The following ZNF362 variants were observed in gnomAD, a reference collection of about 807,000 sequenced individuals.
ZNF362 encodes rotund homolog.
ZNF362 carries 11 observed loss-of-function variants against 42.9 expected under a neutral mutation model. That is an observed-to-expected ratio of 0.26 (90% confidence interval 0.16 to 0.42). ZNF362 has a LOEUF of 0.42. Among genes scored for constraint, ZNF362 ranks in the 20% least tolerant of loss-of-function variants. The probability of loss-of-function intolerance (pLI) is 1.00; values close to 1 mark genes in which losing one functional copy is unlikely to be tolerated. For synonymous variants in ZNF362, 255 were observed against 257.3 expected (o/e 0.99, Z 0.09); for missense variants, 362 against 576.2 (o/e 0.63, Z 3.81).
chr1:33,250,680 A>T, the ZNF362 span, among the ~76,000 whole-genome samples: 1 of 152,010 alleles, frequency 6.6e-6, no homozygotes, highest in African/African-American at 2.4e-5. Context: ...GCAAACCACC[A>T]TGGCACACAT....
the ZNF362 span, among the ~76,000 whole-genome samples, chr1:33,194,292 T>C: frequency 6.6e-6 from 1 of 151,948 alleles, no homozygotes; most frequent in Non-Finnish European, 1.5e-5. Flanking sequence ...TCCCAGCAAT[T>C]TGGGAGGCTG....
At chr1:33,139,685 C>T in the ZNF362 span, among the ~76,000 whole-genome samples, 6 of 152,318 alleles carry the variant, frequency 3.9e-5, no homozygotes, top group African/African-American at 1.4e-4. Context: ...TTGTTTTCCT[C>T]CTGCAGAGGA....
rs979303993 is a variant in ZNF362, at chr1:33,294,822, G to T, written c.909-115G>T. 1.3e-5 allele frequency: 15 copies of T among 1,121,498 alleles called. No individual in the cohort carries two copies. Among genetic ancestry groups the T allele is most frequent in the African/African-American group, 3.1e-5 (2 of 64,358 alleles). The allele number at this position is 1,121,498 out of a possible 1,614,324, so 69.5% of individuals were successfully genotyped here. On this transcript the variant is annotated intron_variant, in intron 6 of 8. Transcript: ENST00000539719. The surrounding 1 kb of genome is among the most constrained non-coding windows in gnomAD (Gnocchi z 4.2). ...CCTGGGCTCACTCTTGGTCCTTGGGGAGCATGGGCAGGGTAGGGACCGAGA... is the reference window on the plus strand; with the variant it reads ...CCTGGGCTCACTCTTGGTCCTTGGGTAGCATGGGCAGGGTAGGGACCGAGA...
At chr1:33,257,063 C>T (rs531646104) in intron 1 of ZNF362, among the ~76,000 whole-genome samples, 25 of 152,302 alleles carry the variant, frequency 1.6e-4, no homozygotes, top group African/African-American at 5.8e-4. Context: ...GCAGCCGGCC[C>T]GGTGGAGCAG....
intron 6 of ZNF362, among the ~76,000 whole-genome samples, chr1:33,292,758 T>G (rs975662270): frequency 6.6e-6 from 1 of 152,192 alleles, no homozygotes; most frequent in Non-Finnish European, 1.5e-5. Context: ...CCTTAAGGAT[T>G]AGGTGATGGG....
At chr1:33,160,579 A>G in the ZNF362 span, among the ~76,000 whole-genome samples, 2 of 151,720 alleles carry the variant, frequency 1.3e-5, no homozygotes, top group South Asian at 4.2e-4. Flanking sequence ...TAATTTTTGT[A>G]TTTTTAGTAG....
At chr1:33,133,176 AG>A in the ZNF362 span, among the ~76,000 whole-genome samples, 9 of 152,200 alleles carry the variant, frequency 5.9e-5, no homozygotes, top group Non-Finnish European at 1.3e-4. Context: ...CCTTGACCCA[AG>A]GGCTTGGTGA....
At chr1:33,141,997 G>A in the ZNF362 span, 3 of 152,592 alleles carry the variant, frequency 2.0e-5, no homozygotes, top group South Asian at 4.1e-4. Context: ...CCTCCCTTTT[G>A]TGGTTCAGGA....
chr1:33,233,067 G>A, the ZNF362 span, among the ~76,000 whole-genome samples: 2 of 152,222 alleles, frequency 1.3e-5, no homozygotes, highest in African/African-American at 4.8e-5. Flanking sequence ...AGACTCAGTT[G>A]CCCATAGGAT....
the ZNF362 span, chr1:33,147,509 C>T: frequency 3.1e-6 from 5 of 1,613,396 alleles, no homozygotes; most frequent in South Asian, 1.1e-5. The surrounding 1 kb of genome is among the most constrained non-coding windows in gnomAD (Gnocchi z 8.1). Flanking sequence ...TGTGCCAGCC[C>T]GATCACCCAC....
upstream of ZNF362, among the ~76,000 whole-genome samples, chr1:33,254,373 G>A (rs1215528933): frequency 2.0e-5 from 3 of 152,062 alleles, no homozygotes; most frequent in African/African-American, 2.4e-5. Context: ...CTCCCGCCTC[G>A]GCCTCCCAAA....
the ZNF362 span, among the ~76,000 whole-genome samples, chr1:33,205,678 CT>C: frequency 6.6e-6 from 1 of 152,066 alleles, no homozygotes; most frequent in Non-Finnish European, 1.5e-5. Context: ...CTTTGGGAGG[CT>C]GAGGTGAGTG....
the ZNF362 span, among the ~76,000 whole-genome samples, chr1:33,170,100 C>T: frequency 6.6e-6 from 1 of 152,112 alleles, no homozygotes; most frequent in Non-Finnish European, 1.5e-5. Flanking sequence ...GAGGCTGAGA[C>T]CTTTGGATCA....
chr1:33,181,048 C>A, the ZNF362 span: 1 of 1,548,814 alleles, frequency 6.5e-7, no homozygotes, highest in South Asian at 1.1e-5. This position sits in a 1 kb window ranked among gnomAD's most constrained non-coding sequence, Gnocchi z 6.5. Flanking sequence ...AAGGCGTCGT[C>A]GATGCCGGTG....
At chr1:33,293,268 G>T (rs1646092613) in intron 6 of ZNF362, among the ~76,000 whole-genome samples, 1 of 152,194 alleles carries the variant, frequency 6.6e-6, no homozygotes, top group African/African-American at 2.4e-5. Context: ...TAGCAGAGGT[G>T]TGGGGAGACT....
the ZNF362 span, among the ~76,000 whole-genome samples, chr1:33,192,458 G>A: frequency 9.9e-5 from 15 of 152,170 alleles, no homozygotes; most frequent in Non-Finnish European, 1.0e-4. Flanking sequence ...GATACAGACC[G>A]CCACACAAAG....
the ZNF362 span, among the ~76,000 whole-genome samples, chr1:33,136,114 C>CCTTCCTTCCTTGCTTG: frequency 6.5e-5 from 1 of 15,416 alleles, no homozygotes; most frequent in Admixed American, 5.0e-4. Context: ...AGGGGCCAGC[C>CCTTCCTTCCTTGCTTG]CTTCCTTCCT....
chr1:33,138,199 C>T, the ZNF362 span, among the ~76,000 whole-genome samples: 2 of 152,064 alleles, frequency 1.3e-5, no homozygotes, highest in African/African-American at 4.8e-5. Flanking sequence ...GTTCCCTACT[C>T]AGAATGGGGG....
the ZNF362 span, among the ~76,000 whole-genome samples, chr1:33,215,079 A>T: frequency 6.6e-6 from 1 of 152,224 alleles, no homozygotes; most frequent in Non-Finnish European, 1.5e-5. Context: ...AATAGCCAAG[A>T]TTTGGAATCA....
Sources: gnomAD v4.1 joint callset for allele counts (sites outside exome capture counted in the v4.1 genomes callset) on GRCh38, gnomAD v4.1.1 for gene constraint, Gnocchi (gnomAD v3.1) non-coding constraint, MANE v1.5 for transcripts, NCBI Gene and HGNC (gene_info 2026-07-23, HGNC 2026-07-21) for gene names.